CDKAL1: variants seen among roughly 807,000 people sequenced by gnomAD.
CDKAL1 encodes the protein threonylcarbamoyladenosine tRNA methylthiotransferase.
In CDKAL1, 32 loss-of-function variants were observed where a neutral mutation model predicts 68.2. The ratio of observed to expected loss-of-function variants is 0.47; its 90% CI spans 0.35 to 0.63. The LOEUF (loss-of-function observed/expected upper bound fraction) is 0.63. Among genes scored for constraint, CDKAL1 ranks in the 30% least tolerant of loss-of-function variants. The pLI is 0.00. For missense variants in CDKAL1, 606 were observed against 696.7 expected (o/e 0.87, Z 1.47); for synonymous variants, 234 against 244.3 (o/e 0.96, Z 0.39).
intron 5 of CDKAL1, among the ~76,000 whole-genome samples, chr6:20,689,187 G>A (rs1005176882): frequency 1.3e-5 from 2 of 152,106 alleles, no homozygotes; most frequent in African/African-American, 4.8e-5. Context: ...AAGCATGAGG[G>A]GATTTTGCTC....
chr6:21,052,480 C>T (rs1770592619), intron 11 of CDKAL1, among the ~76,000 whole-genome samples: 1 of 151,664 alleles, frequency 6.6e-6, no homozygotes, highest in Non-Finnish European at 1.5e-5. Flanking sequence ...TCCTGAATAG[C>T]TGAGACTATA....
At chr6:20,701,032 T>C (rs1771329698) in intron 5 of CDKAL1, among the ~76,000 whole-genome samples, 2 of 152,184 alleles carry the variant, frequency 1.3e-5, no homozygotes, top group Non-Finnish European at 2.9e-5. Flanking sequence ...AATTGTATTT[T>C]TCAAGGTCTT....
rs538427855 is a variant in CDKAL1 at position 21,194,643 on chromosome 6, G to T, written c.1300-3378G>T. Among the ~76,000 whole-genome samples the T allele has an allele frequency of 2.7e-4, 41 of 152,282 alleles. No homozygotes were observed. In the South Asian group the frequency reaches 7.9e-3, roughly 29 times the overall value. On this transcript the variant is annotated intron_variant, in intron 13 of 15. Transcript: ENST00000274695. ...TTACTCTCAATTTTGTTATGTGAGG[G>T]TCTTTAACCACACACGGCTACCATA...
chr6:20,990,539 T>C (rs973870389), intron 10 of CDKAL1, among the ~76,000 whole-genome samples: 4 of 152,228 alleles, frequency 2.6e-5, no homozygotes, highest in Admixed American at 6.5e-5. Flanking sequence ...GAATTTCCTG[T>C]TACAGTTAAG....
chr6:20,970,666 A>G (rs1473527731), intron 10 of CDKAL1, among the ~76,000 whole-genome samples: 4 of 152,182 alleles, frequency 2.6e-5, no homozygotes, highest in Non-Finnish European at 5.9e-5. Flanking sequence ...TGTCATTAGC[A>G]GGTTATTGAC....
chr6:20,948,925 T>C (rs1764390490), intron 9 of CDKAL1, among the ~76,000 whole-genome samples: 1 of 152,256 alleles, frequency 6.6e-6, no homozygotes, highest in Non-Finnish European at 1.5e-5. Context: ...TATTTCCAAA[T>C]TCCTGCAGAA....
At chr6:20,623,946 C>A (rs932775932) in intron 4 of CDKAL1, among the ~76,000 whole-genome samples, 2 of 152,076 alleles carry the variant, frequency 1.3e-5, no homozygotes, top group African/African-American at 4.8e-5. Flanking sequence ...GCATGTAAAT[C>A]TCTTTGATCC....
intron 4 of CDKAL1, among the ~76,000 whole-genome samples, chr6:20,620,043 A>T (rs2127731857): frequency 6.6e-6 from 1 of 152,268 alleles, no homozygotes; most frequent in South Asian, 2.1e-4. Context: ...GTGCAAGCGA[A>T]CTCACGTTTA....
Position 20,938,457 on chromosome 6 carries a change from C to T in CDKAL1, c.743-16962C>T, listed in dbSNP as rs79789892. ...TCTTCTAACTTGATCTTTTAAATTT[C>T]GAGTTTGTGGAGTTCTCTTGGAACT... On this transcript the variant is annotated intron_variant, in intron 9 of 15. Transcript: ENST00000274695. Among the ~76,000 whole-genome samples, 14 of 152,194 alleles carry T rather than the reference C, an allele frequency of 9.2e-5. No homozygotes were observed. In the South Asian group the frequency reaches 1.2e-3, roughly 14 times the overall value.
At chr6:21,115,403 C>G (rs1466444123) in intron 13 of CDKAL1, among the ~76,000 whole-genome samples, 2 of 152,196 alleles carry the variant, frequency 1.3e-5, no homozygotes, top group African/African-American at 2.4e-5. Flanking sequence ...TTTGAGCTAT[C>G]TGCTGTCTGG....
intron 11 of CDKAL1, among the ~76,000 whole-genome samples, chr6:21,007,334 G>A (rs1218620291): frequency 6.6e-6 from 1 of 151,786 alleles, no homozygotes; most frequent in Non-Finnish European, 1.5e-5. Context: ...GGAGGCTGAG[G>A]TGGGAGGATC....
intron 7 of CDKAL1, among the ~76,000 whole-genome samples, chr6:20,761,702 A>G (rs1774476304): frequency 6.6e-6 from 1 of 152,192 alleles, no homozygotes; most frequent in Non-Finnish European, 1.5e-5. Flanking sequence ...AACTAATTGG[A>G]CATTGTGGAA....
intron 11 of CDKAL1, among the ~76,000 whole-genome samples, chr6:21,058,423 G>T (rs1488264111): frequency 6.6e-6 from 1 of 152,128 alleles, no homozygotes; most frequent in Non-Finnish European, 1.5e-5. Flanking sequence ...CATGAGATGG[G>T]TCTCTTGAAT....
rs147717538 is a variant in CDKAL1, at chr6:21,163,679, G to A, written c.1300-34342G>A. Among the ~76,000 whole-genome samples, 539 of 152,258 alleles carry A rather than the reference G, an allele frequency of 3.5e-3. 1 individual carries two copies. The highest frequency in any genetic ancestry group is 0.012 in the African/African-American group (501 of 41,532). On this transcript the variant is annotated intron_variant, in intron 13 of 15. Coordinates refer to ENST00000274695, the MANE Select transcript of CDKAL1 (RefSeq NM_017774.3). ...ATAATGCTGTTATCTGGCCGGGCGCGGTGGCTCATGCCTGTAATCCCAGCA... is the reference window on the plus strand; with the variant it reads ...ATAATGCTGTTATCTGGCCGGGCGCAGTGGCTCATGCCTGTAATCCCAGCA...
At chr6:21,122,292 C>T (rs928363837) in intron 13 of CDKAL1, among the ~76,000 whole-genome samples, 1 of 152,138 alleles carries the variant, frequency 6.6e-6, no homozygotes, top group Non-Finnish European at 1.5e-5. Context: ...TATGTATTTC[C>T]ACTACAGAAA....
chr6:21,096,970 C>T (rs1773347228), intron 12 of CDKAL1, among the ~76,000 whole-genome samples: 1 of 152,170 alleles, frequency 6.6e-6, no homozygotes, highest in Admixed American at 6.5e-5. Flanking sequence ...ATAACTGAAA[C>T]TTCTTCATGC....
intron 12 of CDKAL1, among the ~76,000 whole-genome samples, chr6:21,076,176 G>A (rs951582539): frequency 6.6e-6 from 1 of 152,258 alleles, no homozygotes; most frequent in East Asian, 1.9e-4. Context: ...TTGCCAAAAC[G>A]GTCTCTGGCA....
At chr6:21,129,567 G>C (rs1775181705) in intron 13 of CDKAL1, among the ~76,000 whole-genome samples, 1 of 150,426 alleles carries the variant, frequency 6.6e-6, no homozygotes, top group Non-Finnish European at 1.5e-5. Flanking sequence ...TTAGAATTTT[G>C]CTTCGATGTG....
intron 4 of CDKAL1, among the ~76,000 whole-genome samples, chr6:20,587,103 C>T (rs541374515): frequency 5.1e-4 from 78 of 151,624 alleles, no homozygotes; most frequent in African/African-American, 1.8e-3. Flanking sequence ...TCTCTTGCCC[C>T]AGCCTCCTGA....
Sources: allele counts gnomAD v4.1 joint callset (sites outside exome capture counted in the v4.1 genomes callset), GRCh38; gene constraint gnomAD v4.1.1; transcripts MANE v1.5; gene names NCBI Gene and HGNC (gene_info 2026-07-23, HGNC 2026-07-21).